The following PLCB4 variants were observed in gnomAD, a reference collection of about 807,000 sequenced individuals.
The protein encoded by PLCB4 is phospholipase C beta 4.
PLCB4 carries 77 observed loss-of-function variants against 178.8 expected under a neutral mutation model. The ratio of observed to expected loss-of-function variants is 0.43; its 90% CI spans 0.36 to 0.52. The LOEUF (loss-of-function observed/expected upper bound fraction) is 0.52, where lower values mean the gene tolerates loss of function less well. PLCB4 is among the 20% of genes least tolerant of loss of function. The pLI is 0.00. For synonymous variants in PLCB4, 496 were observed against 490.8 expected (o/e 1.01, Z -0.14); for missense variants, 1,024 against 1,453.4 (o/e 0.70, Z 4.80).
At chr20:9,090,251 G>C (rs1270639816) in intron 1 of PLCB4, among the ~76,000 whole-genome samples, 1 of 150,536 alleles carries the variant, frequency 6.6e-6, no homozygotes, top group Non-Finnish European at 1.5e-5. Flanking sequence ...GTGTGTGTCT[G>C]TGTCTGTCAT....
At chr20:9,316,051 C>T (rs73897375) in intron 4 of PLCB4, among the ~76,000 whole-genome samples, 12,108 of 152,020 alleles carry the variant, frequency 0.08, 1,616 homozygotes, top group African/African-American at 0.28. Flanking sequence ...CTTGGCATGT[C>T]GAAAGAAGAG....
At chr20:9,342,753 C>T (rs6516458) in intron 7 of PLCB4, among the ~76,000 whole-genome samples, 3,248 of 151,568 alleles carry the variant, frequency 0.021, 131 homozygotes, top group African/African-American at 0.074. Context: ...ACTCATTGGG[C>T]AGAGTGCAAT....
At chr20:9,141,707 G>A (rs1459262434) in intron 2 of PLCB4, among the ~76,000 whole-genome samples, 1 of 152,022 alleles carries the variant, frequency 6.6e-6, no homozygotes, top group Non-Finnish European at 1.5e-5. Flanking sequence ...AGGAATTATG[G>A]CATGCGTATA....
At chr20:9,312,960 T>G (rs1200392950) in intron 4 of PLCB4, among the ~76,000 whole-genome samples, 1 of 152,234 alleles carries the variant, frequency 6.6e-6, no homozygotes, top group Non-Finnish European at 1.5e-5. Flanking sequence ...TCGAAGAATC[T>G]ATGTCCCAAA....
intron 32 of PLCB4, among the ~76,000 whole-genome samples, chr20:9,449,797 G>C (rs918273289): frequency 2.6e-5 from 4 of 152,146 alleles, no homozygotes; most frequent in Admixed American, 1.3e-4. Flanking sequence ...ACAGCACCAA[G>C]ACTGTTGTTA....
chr20:9,236,155 T>G (rs1003343149), intron 3 of PLCB4, among the ~76,000 whole-genome samples: 11 of 152,132 alleles, frequency 7.2e-5, no homozygotes, highest in African/African-American at 2.7e-4. Context: ...TAATTTTGTC[T>G]CTTGATGTCT....
intron 3 of PLCB4, among the ~76,000 whole-genome samples, chr20:9,305,527 AT>A (rs947050251): frequency 2.6e-5 from 4 of 151,854 alleles, no homozygotes; most frequent in Non-Finnish European, 5.9e-5. Context: ...TTTTAAATAT[AT>A]TTTTTCTTTT....
At chr20:9,218,792 C>T (rs548796719) in intron 3 of PLCB4, among the ~76,000 whole-genome samples, 2 of 152,192 alleles carry the variant, frequency 1.3e-5, no homozygotes, top group South Asian at 2.1e-4. Context: ...TAGTCAAGTG[C>T]GCTATCTTTT....
rs764453740 is a variant in PLCB4 at position 9,480,404 on chromosome 20, G to A, written c.*1395G>A. 9.8e-5 allele frequency: 15 copies of A among 152,602 alleles called. No individual in the cohort carries two copies. The highest frequency in any genetic ancestry group is 9.7e-4 in the East Asian group (5 of 5,172). 9.5% of individuals were successfully genotyped at this position (152,602 alleles called of 1,614,324 possible). ...TTCTGTGTGTTCCTCTGAACAAAGC[G>A]GAGAAAATGATGATACCATCAATAT... On this transcript the variant is annotated 3_prime_UTR_variant, in exon 40 of 40. Transcript: ENST00000378473.
In PLCB4 at chr20:9,435,468, T is replaced by C. The variant is rs931549725; in HGVS notation, c.2525-92T>C. Reference sequence around the variant, plus strand: ...GATTATTAACAGAAAGCACAACAGGTATCCAGGATTGTAGTTTATTAAGCA... The same window carrying C: ...GATTATTAACAGAAAGCACAACAGGCATCCAGGATTGTAGTTTATTAAGCA... On this transcript the variant is annotated intron_variant, in intron 28 of 39. Coordinates refer to ENST00000378473, the MANE Select transcript of PLCB4 (RefSeq NM_001377142.1). 1.6e-5 allele frequency: 12 copies of C among 735,532 alleles called. No homozygotes were observed. In the Admixed American group the frequency reaches 2.5e-4, roughly 15 times the overall value. 45.6% of individuals were successfully genotyped at this position (735,532 alleles called of 1,614,324 possible). A position where few individuals can be genotyped will look rare whatever the true frequency, so the allele number is the denominator to read the frequency against.
intron 2 of PLCB4, among the ~76,000 whole-genome samples, chr20:9,176,812 A>G (rs2093162829): frequency 6.6e-6 from 1 of 152,198 alleles, no homozygotes; most frequent in East Asian, 1.9e-4. Context: ...AACTTTTAAG[A>G]AAAATAATAG....
At position 9,210,282 on chromosome 20, in the gene PLCB4, C is replaced by T. The variant is rs2093659761; in HGVS notation, c.-78-7108C>T. On this transcript the variant is annotated intron_variant, in intron 2 of 39. Coordinates refer to ENST00000378473, the MANE Select transcript of PLCB4 (RefSeq NM_001377142.1). Reference sequence around the variant, plus strand: ...TAAATGACAGATAGAGGTAAGTTTTCTGGGCAGAGTTTAGATGCTTTCTCG... The same window carrying T: ...TAAATGACAGATAGAGGTAAGTTTTTTGGGCAGAGTTTAGATGCTTTCTCG... Among the ~76,000 whole-genome samples the T allele has an allele frequency of 2.6e-5, 4 of 152,196 alleles. No homozygotes were observed. In the South Asian group the frequency reaches 8.3e-4, roughly 32 times the overall value.
chr20:9,211,056 C>A (rs1471137011), intron 2 of PLCB4, among the ~76,000 whole-genome samples: 4 of 152,206 alleles, frequency 2.6e-5, no homozygotes, highest in African/African-American at 7.2e-5. Flanking sequence ...TTTGGGCTAA[C>A]ACAGTGTCCT....
At chr20:9,100,853 G>A (rs2091118301) in intron 2 of PLCB4, among the ~76,000 whole-genome samples, 1 of 151,880 alleles carries the variant, frequency 6.6e-6, no homozygotes, top group South Asian at 2.1e-4. Context: ...TCCCACTTTC[G>A]TGCACACAGC....
rs377653823 is a variant in PLCB4, at chr20:9,389,510, G to A, written c.1159-369G>A. ...GGTGGGGAGGAGTCATACAGTGGTC[G>A]GGAGTGAAAACCTCTGTGCCAGAGA... On this transcript the variant is annotated intron_variant, in intron 15 of 39. Transcript: ENST00000378473. Among the ~76,000 whole-genome samples, 12 of 152,240 alleles carry A rather than the reference G, an allele frequency of 7.9e-5. No homozygotes were observed. The East Asian group carries it at 1.5e-3, about 20-fold the overall frequency.
chr20:9,341,752 G>A (rs1225700361), intron 7 of PLCB4, among the ~76,000 whole-genome samples: 2 of 151,980 alleles, frequency 1.3e-5, no homozygotes, highest in African/African-American at 4.8e-5. Context: ...TTGAGGGTTG[G>A]GGGTGGGGGG....
intron 1 of PLCB4, among the ~76,000 whole-genome samples, chr20:9,084,925 C>T (rs555406571): frequency 2.9e-4 from 44 of 151,950 alleles, no homozygotes; most frequent in Non-Finnish European, 5.2e-4. Flanking sequence ...TGGTGGCGTG[C>T]GCCTGTTGTC....
chr20:9,298,192 C>G (rs1568544677), intron 3 of PLCB4, among the ~76,000 whole-genome samples: 1 of 152,074 alleles, frequency 6.6e-6, no homozygotes, highest in African/African-American at 2.4e-5. Context: ...TCAGTTCCCC[C>G]CAGTTCAAGA....
rs537747914 is a variant in PLCB4 at position 9,439,094 on chromosome 20, T to A, written c.2764+1942T>A. ...CTTGACAGACGGTGTATCAGTCAGC[T>A]TATGCTGCATAACAAATGACCTCAA... On this transcript the variant is annotated intron_variant, in intron 30 of 39. Transcript: ENST00000378473. 8.5e-5 allele frequency among the ~76,000 whole-genome samples: 13 copies of A among 152,352 alleles called. 1 individual carries two copies. The South Asian group carries it at 2.7e-3, about 32-fold the overall frequency.
Sources: gnomAD v4.1 joint callset for allele counts (sites outside exome capture counted in the v4.1 genomes callset) on GRCh38, gnomAD v4.1.1 for gene constraint, MANE v1.5 for transcripts, NCBI Gene and HGNC (gene_info 2026-07-23, HGNC 2026-07-21) for gene names.